EIF4H: variants seen among roughly 807,000 people sequenced by gnomAD.
EIF4H encodes Williams-Beuren syndrome chromosome region 1.
In EIF4H, 8 loss-of-function variants were observed where a neutral mutation model predicts 30.6. The ratio of observed to expected loss-of-function variants is 0.26; its 90% CI spans 0.15 to 0.47. EIF4H has a LOEUF of 0.47. Ranked by LOEUF, EIF4H falls within the 20% of genes least tolerant of loss-of-function variation. EIF4H has a pLI of 0.99. For missense variants in EIF4H, 188 were observed against 339.5 expected (o/e 0.55, Z 3.51); for synonymous variants, 106 against 122.7 (o/e 0.86, Z 0.90).
intron 1 of EIF4H, among the ~76,000 whole-genome samples, chr7:74,179,631 C>CA (rs34502000): frequency 0.027 from 3,501 of 128,026 alleles, 182 homozygotes; most frequent in African/African-American, 0.091. Context: ...GACTCTGTAT[C>CA]AAAAAAAAAA....
At chr7:74,182,847 G>A (rs569254792) in intron 1 of EIF4H, among the ~76,000 whole-genome samples, 1 of 152,266 alleles carries the variant, frequency 6.6e-6, no homozygotes, top group Admixed American at 6.5e-5. Context: ...TCACCCTAAG[G>A]GTTCAGTATT....
At chr7:74,191,580 T>G (rs543646604) in intron 5 of EIF4H, among the ~76,000 whole-genome samples, 5 of 152,264 alleles carry the variant, frequency 3.3e-5, no homozygotes, top group Admixed American at 2.6e-4. Flanking sequence ...AGAGTAGATC[T>G]TTTTTACTTT....
intron 1 of EIF4H, among the ~76,000 whole-genome samples, chr7:74,174,706 C>T (rs1484292785): frequency 6.6e-6 from 1 of 152,182 alleles, no homozygotes; most frequent in Non-Finnish European, 1.5e-5. Context: ...TTTGCCCTGC[C>T]TTGGCCGCGG....
chr7:74,192,678 TTTC>T (rs144498285), intron 5 of EIF4H, among the ~76,000 whole-genome samples: 51,845 of 99,284 alleles, frequency 0.52, 15,828 homozygotes, highest in East Asian at 0.67. Flanking sequence ...CTTTTTTTTT[TTTC>T]TTTTTTTTTT....
At chr7:74,191,671 G>A (rs1271702885) in intron 5 of EIF4H, among the ~76,000 whole-genome samples, 12 of 152,036 alleles carry the variant, frequency 7.9e-5, no homozygotes, top group Non-Finnish European at 1.0e-4. Context: ...TACCAAGAAA[G>A]CAAAAACATT....
At chr7:74,192,641 G>C (rs1313498003) in intron 5 of EIF4H, among the ~76,000 whole-genome samples, 2 of 147,812 alleles carry the variant, frequency 1.4e-5, no homozygotes, top group Non-Finnish European at 3.0e-5. Context: ...TTCGTCAGCT[G>C]ATCATACCTA....
intron 1 of EIF4H, among the ~76,000 whole-genome samples, chr7:74,175,035 C>G (rs1017276177): frequency 6.6e-6 from 1 of 152,178 alleles, no homozygotes; most frequent in Non-Finnish European, 1.5e-5. Context: ...GAGATAAATC[C>G]ATCGTAGCTT....
chr7:74,182,359 A>T (rs917285830), intron 1 of EIF4H, among the ~76,000 whole-genome samples: 31 of 152,050 alleles, frequency 2.0e-4, no homozygotes, highest in Non-Finnish European at 4.1e-4. Context: ...AAAAACCCAA[A>T]TGTTACCTGT....
chr7:74,175,485 A>G (rs1800817358), intron 1 of EIF4H, among the ~76,000 whole-genome samples: 2 of 152,300 alleles, frequency 1.3e-5, no homozygotes, highest in South Asian at 4.1e-4. Context: ...ATCACTTTTA[A>G]TACCTTGGTT....
chr7:74,186,239 T>C (rs1252607885), intron 1 of EIF4H, among the ~76,000 whole-genome samples: 2 of 151,980 alleles, frequency 1.3e-5, no homozygotes, highest in Non-Finnish European at 2.9e-5. Flanking sequence ...TTTTTTTTTT[T>C]TTGAGATGGA....
intron 1 of EIF4H, 114 bp from the exon 2 acceptor site, chr7:74,187,497 C>A: frequency 9.2e-7 from 1 of 1,090,026 alleles, no homozygotes; most frequent in Non-Finnish European, 1.3e-6. Flanking sequence ...TGTGGTACAT[C>A]GAGCAGAGTG....
chr7:74,193,548 C>T (rs1801273399), intron 5 of EIF4H, among the ~76,000 whole-genome samples: 1 of 152,110 alleles, frequency 6.6e-6, no homozygotes, highest in African/African-American at 2.4e-5. Flanking sequence ...AGTGGCACCC[C>T]CTGAGTGCGC....
At chr7:74,184,626 A>G (rs1357238399) in intron 1 of EIF4H, among the ~76,000 whole-genome samples, 6 of 136,756 alleles carry the variant, frequency 4.4e-5, no homozygotes, top group Non-Finnish European at 8.1e-5. Flanking sequence ...ATGGTTTTCC[A>G]CATGTTTATA....
At chr7:74,174,558 G>A (rs1265852675) in intron 1 of EIF4H, 116 bp downstream of exon 1, 7 of 1,024,380 alleles carry the variant, frequency 6.8e-6, no homozygotes, top group Admixed American at 4.8e-5. Flanking sequence ...GGCCCGCGGA[G>A]GCCTAGGAGC....
At chr7:74,189,961 T>C in intron 4 of EIF4H, 43 bp downstream of exon 4, 1 of 1,602,088 alleles carries the variant, frequency 6.2e-7, no homozygotes, top group African/African-American at 1.3e-5. Flanking sequence ...AGATTTGCAG[T>C]ATGCCTACCA....
intron 4 of EIF4H, 81 bp from the exon 5 acceptor site, chr7:74,190,166 T>G: frequency 7.0e-7 from 1 of 1,438,518 alleles, no homozygotes; most frequent in Non-Finnish European, 9.7e-7. Context: ...TTGAGTTGTA[T>G]GTCTTCCAAA....
rs564805794 is a variant in EIF4H at position 74,174,367 on chromosome 7, C to A, written c.-17C>A. ...CTTCCTCGCTCACCCTGGTTCCTCT[C>A]GGAGCGGAGACGGCAAATGGCGGAC... On this transcript the variant is annotated 5_prime_UTR_variant, in exon 1 of 7. Transcript: ENST00000265753. The A allele has an allele frequency of 1.4e-5, 20 of 1,445,198 alleles. No homozygotes were observed. In the South Asian group the frequency reaches 2.3e-4, roughly 16 times the overall value. The allele number at this position is 1,445,198 out of a possible 1,614,324, so 89.5% of individuals were successfully genotyped here.
intron 5 of EIF4H, 87 bp from the exon 6 acceptor site, chr7:74,194,654 A>C: frequency 6.9e-7 from 1 of 1,446,916 alleles, no homozygotes; most frequent in Non-Finnish European, 9.1e-7. Context: ...TTTAAAATGA[A>C]ACTCAAACAA....
Position 74,185,399 on chromosome 7 carries a change from A to G in EIF4H, c.60-2212A>G, listed in dbSNP as rs116917335. Among the ~76,000 whole-genome samples the G allele has an allele frequency of 2.2e-3, 328 of 152,324 alleles. 5 individuals carry two copies. The East Asian group carries it at 0.039, about 18-fold the overall frequency. On this transcript the variant is annotated intron_variant, in intron 1 of 6. Coordinates refer to ENST00000265753, the MANE Select transcript of EIF4H (RefSeq NM_022170.2). The stretch of plus-strand genomic sequence containing the variant: ...TATCAGCGATAGAGTACTATTGGCA[A>G]AGGTTATTGAAATGCAAAGTAAGTC...
Sources: allele counts gnomAD v4.1 joint callset (sites outside exome capture counted in the v4.1 genomes callset), GRCh38; gene constraint gnomAD v4.1.1; transcripts MANE v1.5; gene names NCBI Gene and HGNC (gene_info 2026-07-23, HGNC 2026-07-21).